Variants in HSPA5 observed in about 807,000 individuals in gnomAD.
HSPA5 encodes endoplasmic reticulum chaperone BiP.
Under a neutral mutation model 49.5 loss-of-function variants are expected in HSPA5, and 16 were observed. The ratio of observed to expected loss-of-function variants is 0.32; its 90% CI spans 0.22 to 0.49. The LOEUF (loss-of-function observed/expected upper bound fraction) is 0.49, where lower values mean the gene tolerates loss of function less well. HSPA5 is among the 20% of genes least tolerant of loss of function. The pLI is 0.99. For synonymous variants in HSPA5, 271 were observed against 307.2 expected (o/e 0.88, Z 1.23); for missense variants, 376 against 819.0 (o/e 0.46, Z 6.60).
At chr9:125,237,362 T>C (rs1832511144) in intron 7 of HSPA5, among the ~76,000 whole-genome samples, 1 of 152,216 alleles carries the variant, frequency 6.6e-6, no homozygotes, top group African/African-American at 2.4e-5. Flanking sequence ...TTTAAAGTAC[T>C]GTGAACTCCT....
rs1832477414 is a variant in HSPA5 at position 125,235,528 on chromosome 9, ACCTGG to A, written c.*1059_*1063del. ...CTGTCCTTTATTGATCATACCATTT[ACCTGG>A]ACTCTTTTCTTCAGGAACACAATCT... is the stretch of plus-strand genomic sequence containing the variant. On this transcript the variant is annotated 3_prime_UTR_variant, in exon 8 of 8. Transcript: ENST00000324460. The A allele has an allele frequency of 6.6e-6, 1 of 151,960 alleles. No homozygotes were observed. Among genetic ancestry groups the A allele is most frequent in the African/African-American group, 2.4e-5 (1 of 41,360 alleles). 9.4% of individuals were successfully genotyped at this position (151,960 alleles called of 1,614,324 possible).
chr9:125,237,057 G>A lies in HSPA5; in HGVS notation c.1500C>T (p.Thr500=), dbSNP rs748757250. Residue 500 remains threonine, a synonymous_variant, in exon 8 of 8, where the codon ACC becomes ACT. Coordinates refer to ENST00000324460, the MANE Select transcript of HSPA5 (RefSeq NM_005347.5). ...APRGVPQIEV[T]FEIDVNGILR... is the part of the protein sequence containing the mutation. ...GAATACCATTCACATCTATCTCAAA[G>A]GTGACTTCAATCTGTGGGACCCCAC... 22 of 1,613,356 alleles carry A rather than the reference G, an allele frequency of 1.4e-5. No homozygotes were observed. In the South Asian group the frequency reaches 2.0e-4, roughly 14 times the overall value.
At position 125,240,406 on chromosome 9, in the gene HSPA5, C is replaced by G. The variant is rs35818114; in HGVS notation, c.355-97G>C. The G allele has an allele frequency of 1.8e-6, 2 of 1,106,766 alleles. No individual in the cohort carries two copies. The highest frequency in any genetic ancestry group is 2.6e-6 in the Non-Finnish European group (2 of 766,062). 68.6% of individuals were successfully genotyped at this position (1,106,766 alleles called of 1,614,324 possible). ...CCCCACAATTTGGTTTATTTTGGTC[C>G]CTTGGGGCTGCAAATTGACTAGAAA... On this transcript the variant is annotated intron_variant, in intron 2 of 7. Transcript: ENST00000324460. This position sits in a 1 kb window ranked among gnomAD's most constrained non-coding sequence, Gnocchi z 4.4.
In HSPA5 at chr9:125,240,921, C is replaced by A. The variant is rs199961658; in HGVS notation, c.123-14G>T. On this transcript the variant is annotated splice_polypyrimidine_tract_variant and intron_variant, in intron 1 of 7. Coordinates refer to ENST00000324460, the MANE Select transcript of HSPA5 (RefSeq NM_005347.5). This position sits in a 1 kb window ranked among gnomAD's most constrained non-coding sequence, Gnocchi z 4.4. The stretch of plus-strand genomic sequence containing the variant: ...AACACGCCGACGCTGGCAGAAAAAC[C>A]CGACAGAGGGACATCAGCACCGCAC... 1.2e-6 allele frequency: 2 copies of A among 1,613,642 alleles called. No homozygotes were observed. The highest frequency in any genetic ancestry group is 4.5e-5 in the East Asian group (2 of 44,872).
Position 125,241,286 on chromosome 9 carries a change from C to G in HSPA5, c.-160G>C. 3 of 778,878 alleles carry G rather than the reference C, an allele frequency of 3.9e-6. No individual in the cohort carries two copies. The highest frequency in any genetic ancestry group is 4.0e-6 in the Non-Finnish European group (2 of 494,974). The allele number at this position is 778,878 out of a possible 1,614,324, so 48.2% of individuals were successfully genotyped here. ...GAAATACAGGCCGCGGCGCTTCCCT[C>G]TCACACTCGCGAAACACCCCAATAG... is the stretch of plus-strand genomic sequence containing the variant. On this transcript the variant is annotated 5_prime_UTR_variant, in exon 1 of 8. Transcript: ENST00000324460.
chr9:125,240,560 A>T lies in HSPA5; in HGVS notation c.354+116T>A. The T allele has an allele frequency of 1.2e-6, 1 of 842,252 alleles. No homozygotes were observed. The highest frequency in any genetic ancestry group is 1.9e-6 in the Non-Finnish European group (1 of 524,074). The allele number at this position is 842,252 out of a possible 1,614,324, so 52.2% of individuals were successfully genotyped here. A position where few individuals can be genotyped will look rare whatever the true frequency, so the allele number is the denominator to read the frequency against. ...ATACTAATAGTATTAAAGTTATTAC[A>T]TACATCATGTCTATAACCTTCAACT... On this transcript the variant is annotated intron_variant, in intron 2 of 7. Transcript: ENST00000324460. This position sits in a 1 kb window ranked among gnomAD's most constrained non-coding sequence, Gnocchi z 4.4.
Position 125,239,146 on chromosome 9 carries a change from T to C in HSPA5, c.791A>G (p.Glu264Gly). Reference protein sequence around the residue: ...GGEDFDQRVMEHFIKLYKKKT... With the variant: ...GGEDFDQRVMGHFIKLYKKKT... ...CTTTTTGTACAGTTTGATGAAGTGT[T>C]CCATGACACGCTGGTCAAAGTCTTC... The change falls in exon 5 of 8, where the codon GAA becomes GGA. Residue 264 changes from glutamate (E) to glycine (G), a missense_variant. Physicochemically the swap from Glu to Gly is moderately conservative, Grantham distance 98. This residue lies in a region of HSPA5 where 89 missense variants were observed against 155.9 expected (regional missense o/e 0.57). Coordinates refer to ENST00000324460, the MANE Select transcript of HSPA5 (RefSeq NM_005347.5). The surrounding 1 kb of genome is among the most constrained non-coding windows in gnomAD (Gnocchi z 5.5). The C allele has an allele frequency of 1.2e-6, 2 of 1,614,122 alleles. No homozygotes were observed. The highest frequency in any genetic ancestry group is 1.7e-6 in the Non-Finnish European group (2 of 1,180,012).
Position 125,240,928 on chromosome 9 carries a change from A to C in HSPA5, c.123-21T>G. 6.2e-7 allele frequency: 1 copy of C among 1,613,522 alleles called. No homozygotes were observed. The highest frequency in any genetic ancestry group is 1.3e-5 in the African/African-American group (1 of 75,066). On this transcript the variant is annotated intron_variant, in intron 1 of 7. Transcript: ENST00000324460. This position sits in a 1 kb window ranked among gnomAD's most constrained non-coding sequence, Gnocchi z 4.4. ...CGACGCTGGCAGAAAAACCCGACAG[A>C]GGGACATCAGCACCGCACTTCTCAC...
At position 125,239,887 on chromosome 9, in the gene HSPA5, C is replaced by CA. The variant is rs1053250020; in HGVS notation, c.492+284dup. Among the ~76,000 whole-genome samples, 41 of 139,766 alleles carry CA rather than the reference C, an allele frequency of 2.9e-4. No homozygotes were observed. The highest frequency in any genetic ancestry group is 2.8e-4 in the Admixed American group (4 of 14,096). The allele number at this position is 139,766 out of a possible 152,430, so 91.7% of individuals were successfully genotyped here. ...TGGGCAACAGAGCAAGACTCCATCTCAAAAAAAAAAAATTACAGTCAAACC... is the reference window on the plus strand; with the variant it reads ...TGGGCAACAGAGCAAGACTCCATCTCAAAAAAAAAAAAATTACAGTCAAACC... On this transcript the variant is annotated intron_variant, in intron 3 of 7. Transcript: ENST00000324460. The surrounding 1 kb of genome is among the most constrained non-coding windows in gnomAD (Gnocchi z 5.5).
Position 125,241,025 on chromosome 9 carries a change from G to A in HSPA5, c.102C>T (p.Asp34=). The change falls in exon 1 of 8, where the codon GAC becomes GAT. Residue 34 remains aspartate, a synonymous_variant. Transcript: ENST00000324460. ...KEDVGTVVGI[D]LGTTYSCVGV... is the part of the protein sequence containing the mutation. ...CTTACCAGGAGTAGGTGGTCCCCAG[G>A]TCGATGCCGACCACCGTGCCCACGT... The A allele has an allele frequency of 2.5e-6, 4 of 1,613,796 alleles. No homozygotes were observed. Among genetic ancestry groups the A allele is most frequent in the Middle Eastern group, 1.6e-4 (1 of 6,062 alleles).
Position 125,236,882 on chromosome 9 carries a change from T to A in HSPA5, c.1675A>T (p.Ile559Phe). Residue 559 changes from isoleucine (I) to phenylalanine (F), a missense_variant, in exon 8 of 8, where the codon ATT (isoleucine) becomes TTT (phenylalanine). This residue lies in a region of HSPA5 where 71 missense variants were observed against 169.9 expected (regional missense o/e 0.42). Coordinates refer to ENST00000324460, the MANE Select transcript of HSPA5 (RefSeq NM_005347.5). ...AEEDKKLKER[I>F]DTRNELESYA... ...CTTTCCAACTCATTTCTAGTATCAA[T>A]GCGCTCCTTGAGCTTTTTGTCTTCC... 1.2e-6 allele frequency: 2 copies of A among 1,614,006 alleles called. No individual in the cohort carries two copies. Among genetic ancestry groups the A allele is most frequent in the Non-Finnish European group, 1.7e-6 (2 of 1,179,868 alleles).
rs1212709827 is a variant in HSPA5, at chr9:125,235,513, T to C, written c.*1079A>G. 2.0e-5 allele frequency: 3 copies of C among 152,154 alleles called. No individual in the cohort carries two copies. The highest frequency in any genetic ancestry group is 7.2e-5 in the African/African-American group (3 of 41,434). 9.4% of individuals were successfully genotyped at this position (152,154 alleles called of 1,614,324 possible). A position where few individuals can be genotyped will look rare whatever the true frequency, so the allele number is the denominator to read the frequency against. Reference sequence around the variant, plus strand: ...TATGTTAGCACCAGCCTGTCCTTTATTGATCATACCATTTACCTGGACTCT... The same window carrying C: ...TATGTTAGCACCAGCCTGTCCTTTACTGATCATACCATTTACCTGGACTCT... On this transcript the variant is annotated 3_prime_UTR_variant, in exon 8 of 8. Coordinates refer to ENST00000324460, the MANE Select transcript of HSPA5 (RefSeq NM_005347.5).
At position 125,237,082 on chromosome 9, in the gene HSPA5, C is replaced by T; in HGVS notation, c.1475G>A (p.Arg492His). Residue 492 changes from arginine (R) to histidine (H), a missense_variant, in exon 8 of 8, where the codon CGT (arginine) becomes CAT (histidine). Arg to His is a conservative substitution (Grantham distance 29). This residue lies in a region of HSPA5 where 71 missense variants were observed against 169.9 expected (regional missense o/e 0.42). Coordinates refer to ENST00000324460, the MANE Select transcript of HSPA5 (RefSeq NM_005347.5). ...FDLTGIPPAP[R>H]GVPQIEVTFE... ...GGTGACTTCAATCTGTGGGACCCCACGAGGAGCAGGAGGAATTCCAGTCAG... is the reference window on the plus strand; with the variant it reads ...GGTGACTTCAATCTGTGGGACCCCATGAGGAGCAGGAGGAATTCCAGTCAG... 2.5e-6 allele frequency: 4 copies of T among 1,613,620 alleles called. No individual in the cohort carries two copies. The highest frequency in any genetic ancestry group is 3.4e-6 in the Non-Finnish European group (4 of 1,179,624).
Position 125,236,638 on chromosome 9 carries a change from G to A in HSPA5, c.1919C>T (p.Pro640Leu). ...TGTATCCTCTTCACCAGTTGGGGGAGGGCCTGCACTTCCATAGAGTTTGCT... is the reference window on the plus strand; with the variant it reads ...TGTATCCTCTTCACCAGTTGGGGGAAGGCCTGCACTTCCATAGAGTTTGCT... ...IISKLYGSAG[P>L]PPTGEEDTAE... The change falls in exon 8 of 8, where the codon CCT becomes CTT. Residue 640 changes from proline (P) to leucine (L), a missense_variant. By Grantham distance (98) the Pro-to-Leu change is moderately conservative. Coordinates refer to ENST00000324460, the MANE Select transcript of HSPA5 (RefSeq NM_005347.5). 1 of 1,611,742 alleles carries A rather than the reference G, an allele frequency of 6.2e-7. No homozygotes were observed. Among genetic ancestry groups the A allele is most frequent in the African/African-American group, 1.3e-5 (1 of 74,872 alleles).
At chr9:125,237,654 G>A (rs35644223) in intron 7 of HSPA5, among the ~76,000 whole-genome samples, 1,916 of 146,380 alleles carry the variant, frequency 0.013, 41 homozygotes, top group African/African-American at 0.046. Context: ...CAGCCTAGGC[G>A]ACAGAGCAAG....
Position 125,241,336 on chromosome 9 carries a change from C to G in HSPA5, c.-210G>C. 1 of 586,842 alleles carries G rather than the reference C, an allele frequency of 1.7e-6. No individual in the cohort carries two copies. Among genetic ancestry groups the G allele is most frequent in the Non-Finnish European group, 2.9e-6 (1 of 341,054 alleles). 36.4% of individuals were successfully genotyped at this position (586,842 alleles called of 1,614,324 possible). A position where few individuals can be genotyped will look rare whatever the true frequency, so the allele number is the denominator to read the frequency against. On this transcript the variant is annotated 5_prime_UTR_variant, in exon 1 of 8. Transcript: ENST00000324460. Reference sequence around the variant, plus strand: ...GGTCAATCTGTCTGTGCTGTCTTGGCCGGCGTCGACCTCACCGTCGCCTAC... The same window carrying G: ...GGTCAATCTGTCTGTGCTGTCTTGGGCGGCGTCGACCTCACCGTCGCCTAC...
rs764349956 is a variant in HSPA5, at chr9:125,240,868, G to C, written c.162C>G (p.Ala54=). The change falls in exon 2 of 8, where the codon GCC becomes GCG. Residue 54 remains alanine (A), a synonymous_variant. Transcript: ENST00000324460. This position sits in a 1 kb window ranked among gnomAD's most constrained non-coding sequence, Gnocchi z 4.4. ...VFKNGRVEII[A]NDQGNRITPS... ...GCGTGATGCGGTTGCCCTGATCGTT[G>C]GCGATGATCTCCACGCGGCCGTTCT... 6.2e-7 allele frequency: 1 copy of C among 1,614,210 alleles called. No individual in the cohort carries two copies. Among genetic ancestry groups the C allele is most frequent in the Admixed American group, 1.7e-5 (1 of 60,028 alleles).
At chr9:125,237,217 C>T (rs535890155) in intron 7 of HSPA5, 63 bp from the exon 8 acceptor site, 311 of 1,187,986 alleles carry the variant, frequency 2.6e-4, no homozygotes, top group Non-Finnish European at 3.4e-4. Flanking sequence ...CATCTAGATC[C>T]CCGCATTTCA....
rs1832535976 is a variant in HSPA5 at position 125,239,458 on chromosome 9, T to C, written c.568A>G (p.Ile190Val). 3 of 1,614,198 alleles carry C rather than the reference T, an allele frequency of 1.9e-6. No homozygotes were observed. In the African/African-American group the frequency reaches 4.0e-5, roughly 22 times the overall value. The part of the protein sequence containing the change: ...QRQATKDAGT[I>V]AGLNVMRIIN... ...ATCCTCATAACATTTAGGCCAGCAATAGTTCCAGCGTCTTTGGTTGCTTGG... is the reference window on the plus strand; with the variant it reads ...ATCCTCATAACATTTAGGCCAGCAACAGTTCCAGCGTCTTTGGTTGCTTGG... The change falls in exon 4 of 8, where the codon ATT becomes GTT. Residue 190 changes from isoleucine to valine, a missense_variant. By Grantham distance (29) the Ile-to-Val change is conservative (BLOSUM62 3). Coordinates refer to ENST00000324460, the MANE Select transcript of HSPA5 (RefSeq NM_005347.5). This position sits in a 1 kb window ranked among gnomAD's most constrained non-coding sequence, Gnocchi z 5.5.
Sources: gnomAD v4.1 joint callset for allele counts (sites outside exome capture counted in the v4.1 genomes callset) on GRCh38, gnomAD v4.1.1 for gene constraint, gnomAD v4.1.1 regional missense constraint, Gnocchi (gnomAD v3.1) non-coding constraint, MANE v1.5 for transcripts, NCBI Gene and HGNC (gene_info 2026-07-23, HGNC 2026-07-21) for gene names.